The following CCDC102A variants were observed in gnomAD, a reference collection of about 807,000 sequenced individuals.
CCDC102A encodes the protein coiled-coil domain containing 102A.
In CCDC102A, 40 loss-of-function variants were observed where a neutral mutation model predicts 55.5. The ratio of observed to expected loss-of-function variants is 0.72; its 90% CI spans 0.56 to 0.94. The LOEUF (loss-of-function observed/expected upper bound fraction) is 0.94. Among genes scored for constraint, CCDC102A ranks in the 40% least tolerant of loss-of-function variants. The probability of loss-of-function intolerance (pLI) is 0.00; values close to 1 mark genes in which losing one functional copy is unlikely to be tolerated. For synonymous variants in CCDC102A, 323 were observed against 339.0 expected (o/e 0.95, Z 0.52); for missense variants, 779 against 768.6 (o/e 1.01, Z -0.16).
Position 57,518,172 on chromosome 16 carries a change from C to A in CCDC102A, c.1144G>T (p.Val382Phe), listed in dbSNP as rs771426175. The A allele has an allele frequency of 1.2e-6, 2 of 1,612,388 alleles. No individual in the cohort carries two copies. Among genetic ancestry groups the A allele is most frequent in the Non-Finnish European group, 1.7e-6 (2 of 1,179,892 alleles). The change falls in exon 6 of 9, where the codon GTC becomes TTC. Residue 382 changes from valine (V) to phenylalanine (F), a missense_variant. By Grantham distance (50) the Val-to-Phe change is conservative. Coordinates refer to ENST00000258214, the MANE Select transcript of CCDC102A (RefSeq NM_033212.4). ...GCCAGCGCCTCCTCCAGGTCTCCGA[C>A]CTGTGCCCGCAGCTTCTTGTTCTCC... ...ERENKKLRAQ[V>F]GDLEEALARR...
In CCDC102A at chr16:57,516,309, G is replaced by C; in HGVS notation, c.1403C>G (p.Ala468Gly). Residue 468 changes from alanine (A) to glycine (G), a missense_variant, in exon 7 of 9, where the codon GCC (alanine) becomes GGC (glycine). Ala to Gly is a moderately conservative substitution (Grantham distance 60, BLOSUM62 0). Transcript: ENST00000258214. This position sits in a 1 kb window ranked among gnomAD's most constrained non-coding sequence, Gnocchi z 4.4. ...LRVEELKKEL[A>G]QAEDELDEAH... Reference sequence around the variant, plus strand: ...GGTCCTCACCTCGTCCTCAGCCTGGGCCAGCTCCTTCTTGAGCTCCTCCAC... The same window carrying C: ...GGTCCTCACCTCGTCCTCAGCCTGGCCCAGCTCCTTCTTGAGCTCCTCCAC... 6.2e-7 allele frequency: 1 copy of C among 1,605,626 alleles called. No homozygotes were observed.
intron 1 of CCDC102A, among the ~76,000 whole-genome samples, chr16:57,531,346 C>A (rs1267769428): frequency 6.6e-6 from 1 of 151,922 alleles, no homozygotes; most frequent in East Asian, 1.9e-4. Flanking sequence ...AATCTGCCTT[C>A]TTTCCTCCCC....
chr16:57,516,523 T>C lies in CCDC102A; in HGVS notation c.1249-60A>G. The C allele has an allele frequency of 1.4e-6, 2 of 1,467,316 alleles. No homozygotes were observed. Among genetic ancestry groups the C allele is most frequent in the South Asian group, 1.2e-5 (1 of 85,982 alleles). The allele number at this position is 1,467,316 out of a possible 1,614,324, so 90.9% of individuals were successfully genotyped here. ...GGAATCAGTATCAGCTTGGGCGCCA[T>C]GCCAGGGAGTCCCACGAGGTCAGGC... On this transcript the variant is annotated intron_variant, in intron 6 of 8. Transcript: ENST00000258214. The surrounding 1 kb of genome is among the most constrained non-coding windows in gnomAD (Gnocchi z 4.4).
In CCDC102A at chr16:57,519,140, C is replaced by T. The variant is rs959619798; in HGVS notation, c.922-399G>A. Among the ~76,000 whole-genome samples, 14 of 152,212 alleles carry T rather than the reference C, an allele frequency of 9.2e-5. No homozygotes were observed. The South Asian group carries it at 1.9e-3, about 20-fold the overall frequency. Reference sequence around the variant, plus strand: ...AGCCCTGCACGATTGGACACCTACCCGCCGCTCCCCCTTAGTTCACTGTAC... The same window carrying T: ...AGCCCTGCACGATTGGACACCTACCTGCCGCTCCCCCTTAGTTCACTGTAC... On this transcript the variant is annotated intron_variant, in intron 4 of 8. Transcript: ENST00000258214.
Position 57,529,433 on chromosome 16 carries a change from G to A in CCDC102A, c.-147-109C>T, listed in dbSNP as rs1391099911. 8.6e-6 allele frequency: 2 copies of A among 231,590 alleles called. No individual in the cohort carries two copies. The highest frequency in any genetic ancestry group is 1.5e-5 in the Non-Finnish European group (2 of 129,140). 14.3% of individuals were successfully genotyped at this position (231,590 alleles called of 1,614,324 possible). On this transcript the variant is annotated intron_variant, in intron 1 of 8. Transcript: ENST00000258214. This position sits in a 1 kb window ranked among gnomAD's most constrained non-coding sequence, Gnocchi z 4.1. ...AGAACGGCCAAGGTAGGAGGAGAGA[G>A]TTCTGTTCCAGGAGAGTCCCAATGA... is the stretch of plus-strand genomic sequence containing the variant.
intron 2 of CCDC102A, among the ~76,000 whole-genome samples, chr16:57,528,214 G>T (rs1222006883): frequency 6.6e-6 from 1 of 152,164 alleles, no homozygotes; most frequent in East Asian, 1.9e-4. Flanking sequence ...CCTGCGTCAG[G>T]GACCTCCTCT....
intron 2 of CCDC102A, among the ~76,000 whole-genome samples, chr16:57,526,573 G>A (rs767796872): frequency 2.6e-5 from 4 of 152,216 alleles, no homozygotes; most frequent in African/African-American, 2.4e-5. Context: ...TGCCTGTGAG[G>A]AGAGCCAGCT....
At chr16:57,513,088 C>T (rs542521116) in intron 8 of CCDC102A, among the ~76,000 whole-genome samples, 23 of 152,312 alleles carry the variant, frequency 1.5e-4, no homozygotes, top group Middle Eastern at 6.8e-3. Flanking sequence ...CTCAAAGTCA[C>T]ACAGATGGTG....
rs1415042755 is a variant in CCDC102A at position 57,516,277 on chromosome 16, C to T, written c.1419+16G>A. 6.2e-7 allele frequency: 1 copy of T among 1,601,306 alleles called. No homozygotes were observed. Among genetic ancestry groups the T allele is most frequent in the Admixed American group, 1.7e-5 (1 of 60,010 alleles). On this transcript the variant is annotated intron_variant, in intron 7 of 8. Transcript: ENST00000258214. This position sits in a 1 kb window ranked among gnomAD's most constrained non-coding sequence, Gnocchi z 4.4. ...GCCAAGGTCTGTTGCTGCCCCTGCCCCTCTGTGGTCCTCACCTCGTCCTCA... is the reference window on the plus strand; with the variant it reads ...GCCAAGGTCTGTTGCTGCCCCTGCCTCTCTGTGGTCCTCACCTCGTCCTCA...
At chr16:57,522,816 C>G (rs1224819453) in intron 3 of CCDC102A, among the ~76,000 whole-genome samples, 1 of 152,196 alleles carries the variant, frequency 6.6e-6, no homozygotes, top group Non-Finnish European at 1.5e-5. Flanking sequence ...GACCACTTCA[C>G]CATTTCTTCT....
chr16:57,513,260 G>A (rs528267140), intron 8 of CCDC102A, among the ~76,000 whole-genome samples: 1 of 152,302 alleles, frequency 6.6e-6, no homozygotes, highest in East Asian at 1.9e-4. Context: ...TGCAGGGTGG[G>A]CTGAGCCCTC....
rs1203976915 is a variant in CCDC102A at position 57,518,191 on chromosome 16, G to A, written c.1125C>T (p.Asn375=). ...CTCCGACCTGTGCCCGCAGCTTCTT[G>A]TTCTCCCGCTCAAGGCCCAGTTTCT... is the stretch of plus-strand genomic sequence containing the variant. ...ETEKLGLERE[N]KKLRAQVGDL... Residue 375 remains asparagine, a synonymous_variant, in exon 6 of 9, where the codon AAC becomes AAT. Transcript: ENST00000258214. 6.2e-7 allele frequency: 1 copy of A among 1,612,452 alleles called. No homozygotes were observed. The highest frequency in any genetic ancestry group is 8.5e-7 in the Non-Finnish European group (1 of 1,179,700).
intron 8 of CCDC102A, among the ~76,000 whole-genome samples, chr16:57,513,335 G>A (rs2031897599): frequency 6.6e-6 from 1 of 152,170 alleles, no homozygotes; most frequent in Non-Finnish European, 1.5e-5. Flanking sequence ...AATTCCTAAA[G>A]TCAAAATTTA....
chr16:57,534,892 G>A (rs771473356), intron 1 of CCDC102A, among the ~76,000 whole-genome samples: 38 of 152,218 alleles, frequency 2.5e-4, no homozygotes, highest in Admixed American at 7.2e-4. Flanking sequence ...TGGGAACAGC[G>A]TTGTGTTTTG....
rs1218826449 is a variant in CCDC102A, at chr16:57,528,583, C to A, written c.585+10G>T. The A allele has an allele frequency of 1.6e-6, 2 of 1,241,346 alleles. No homozygotes were observed. Among genetic ancestry groups the A allele is most frequent in the East Asian group, 4.0e-5 (1 of 25,268 alleles). 76.9% of individuals were successfully genotyped at this position (1,241,346 alleles called of 1,614,324 possible). On this transcript the variant is annotated intron_variant, in intron 2 of 8. Coordinates refer to ENST00000258214, the MANE Select transcript of CCDC102A (RefSeq NM_033212.4). The stretch of plus-strand genomic sequence containing the variant: ...GACTGGAGCGCGAACGCCCCGCCCG[C>A]GCCGCGCACCTGGCTGCCTGGCGGC...
intron 3 of CCDC102A, among the ~76,000 whole-genome samples, chr16:57,525,342 C>G (rs775171460): frequency 5.3e-5 from 8 of 152,204 alleles, no homozygotes; most frequent in Non-Finnish European, 8.8e-5. Flanking sequence ...CTCAAGTGAT[C>G]TGCCCACCTC....
At chr16:57,531,365 G>T (rs1301977644) in intron 1 of CCDC102A, among the ~76,000 whole-genome samples, 1 of 150,994 alleles carries the variant, frequency 6.6e-6, no homozygotes, top group African/African-American at 2.4e-5. Context: ...CCCACCCACC[G>T]CCAAACCTTG....
upstream of CCDC102A, chr16:57,536,614 C>G (rs1474648761): frequency 1.3e-5 from 2 of 152,138 alleles, no homozygotes; most frequent in Non-Finnish European, 2.9e-5. Context: ...GGAGTCTCCT[C>G]CTCCCTCCCG....
chr16:57,512,653 G>A lies in CCDC102A; in HGVS notation c.*88C>T, dbSNP rs1188983349. 1 of 1,509,520 alleles carries A rather than the reference G, an allele frequency of 6.6e-7. No individual in the cohort carries two copies. The highest frequency in any genetic ancestry group is 2.3e-5 in the East Asian group (1 of 43,834). 93.5% of individuals were successfully genotyped at this position (1,509,520 alleles called of 1,614,324 possible). On this transcript the variant is annotated 3_prime_UTR_variant, in exon 9 of 9. Transcript: ENST00000258214. ...GTGGCAGGGACTGGTCCCAGAGTGA[G>A]CCTAGGCACTGCATCAGTTTGAGTG... is the stretch of plus-strand genomic sequence containing the variant.
Sources: gnomAD v4.1 joint callset for allele counts (sites outside exome capture counted in the v4.1 genomes callset) on GRCh38, gnomAD v4.1.1 for gene constraint, Gnocchi (gnomAD v3.1) non-coding constraint, MANE v1.5 for transcripts, NCBI Gene and HGNC (gene_info 2026-07-23, HGNC 2026-07-21) for gene names.